WASF3: variants seen among roughly 807,000 people sequenced by gnomAD.
WASF3 encodes WASP family member 3, also known as actin-binding protein WASF3.
In WASF3, 11 loss-of-function variants were observed where a neutral mutation model predicts 46.6. That is an observed-to-expected ratio of 0.24 (90% CI 0.15 to 0.39). The LOEUF (loss-of-function observed/expected upper bound fraction) is 0.39, where lower values mean the gene tolerates loss of function less well. Ranked by LOEUF, WASF3 falls within the 10% of genes least tolerant of loss-of-function variation. WASF3 has a pLI of 1.00. For missense variants in WASF3, 576 were observed against 669.8 expected, an observed-to-expected ratio of 0.86 and a Z score of 1.55; for synonymous variants, 242 against 259.7, an observed-to-expected ratio of 0.93 and a Z score of 0.65.
In WASF3 at chr13:26,668,343, C is replaced by A. The variant is rs538612177; in HGVS notation, c.422+673C>A. Among the ~76,000 whole-genome samples, 130 of 152,376 alleles carry A rather than the reference C, an allele frequency of 8.5e-4. 1 individual carries two copies. Among genetic ancestry groups the A allele is most frequent in the African/African-American group, 3.0e-3 (126 of 41,588 alleles). On this transcript the variant is annotated intron_variant, in intron 5 of 9. Transcript: ENST00000335327. ...CTGTCACCTCTTGTCCCATATCCCT[C>A]TTTCACACACTGTCTCTCCATCCCT...
intron 2 of WASF3, among the ~76,000 whole-genome samples, chr13:26,634,024 A>T (rs920359430): frequency 6.6e-6 from 1 of 152,186 alleles, no homozygotes; most frequent in East Asian, 1.9e-4. Context: ...TGCAGAGCTG[A>T]GTTGAAGTCC....
At chr13:26,564,931 T>G (rs937033824) in intron 1 of WASF3, among the ~76,000 whole-genome samples, 5 of 149,420 alleles carry the variant, frequency 3.3e-5, no homozygotes, top group Admixed American at 6.7e-5. Context: ...TTTGCCTGTT[T>G]TGTTACATAG....
At chr13:26,613,417 T>C (rs548037352) in intron 2 of WASF3, among the ~76,000 whole-genome samples, 10 of 152,312 alleles carry the variant, frequency 6.6e-5, no homozygotes, top group African/African-American at 2.2e-4. Context: ...ACCAATTCTT[T>C]GTTATCTGAA....
chr13:26,548,321 CCTT>C, the WASF3 span, among the ~76,000 whole-genome samples: 1 of 152,144 alleles, frequency 6.6e-6, no homozygotes, highest in Admixed American at 6.5e-5. Flanking sequence ...ATTTTAATCT[CCTT>C]CTCTTCTTAC....
the WASF3 span, among the ~76,000 whole-genome samples, chr13:26,540,078 A>G: frequency 2.6e-5 from 4 of 152,150 alleles, no homozygotes; most frequent in African/African-American, 9.7e-5. Context: ...ACTCAAGCAG[A>G]CAGGAAGATC....
In WASF3 at chr13:26,576,178, A is replaced by G. The variant is rs926107187; in HGVS notation, c.-109+18359A>G. 2.6e-5 allele frequency among the ~76,000 whole-genome samples: 4 copies of G among 151,752 alleles called. No homozygotes were observed. The East Asian group carries it at 5.8e-4, about 22-fold the overall frequency. ...ACTTCTTTTTAAATTTCACTTTCTTATGGTTGTTTTTCTACTTTTCCTCAA... is the reference window on the plus strand; with the variant it reads ...ACTTCTTTTTAAATTTCACTTTCTTGTGGTTGTTTTTCTACTTTTCCTCAA... On this transcript the variant is annotated intron_variant, in intron 1 of 9. Transcript: ENST00000335327.
chr13:26,646,330 C>A (rs565999109), intron 3 of WASF3, among the ~76,000 whole-genome samples: 3 of 152,124 alleles, frequency 2.0e-5, no homozygotes, highest in Non-Finnish European at 4.4e-5. Flanking sequence ...AATCATTCAT[C>A]AGGTATTTAA....
At position 26,651,248 on chromosome 13, in the gene WASF3, G is replaced by A. The variant is rs572546896; in HGVS notation, c.133+8845G>A. Among the ~76,000 whole-genome samples, 3 of 152,222 alleles carry A rather than the reference G, an allele frequency of 2.0e-5. No homozygotes were observed. In the South Asian group the frequency reaches 6.2e-4, roughly 32 times the overall value. Reference sequence around the variant, plus strand: ...GAGGCATGAGAATGGCTTGATCCTGGTGGCAGAAGTTATAGTGAGCTGAAA... The same window carrying A: ...GAGGCATGAGAATGGCTTGATCCTGATGGCAGAAGTTATAGTGAGCTGAAA... On this transcript the variant is annotated intron_variant, in intron 3 of 9. Coordinates refer to ENST00000335327, the MANE Select transcript of WASF3 (RefSeq NM_006646.6).
At chr13:26,594,553 C>T (rs570953283) in intron 1 of WASF3, among the ~76,000 whole-genome samples, 17 of 152,282 alleles carry the variant, frequency 1.1e-4, no homozygotes, top group Non-Finnish European at 2.5e-4. Context: ...CCTTTCTGGA[C>T]GATTGTATTA....
At chr13:26,603,362 A>T (rs549227854) in intron 1 of WASF3, among the ~76,000 whole-genome samples, 1 of 152,304 alleles carries the variant, frequency 6.6e-6, no homozygotes, top group South Asian at 2.1e-4. Context: ...AATATTCAGG[A>T]ATCAAGGTAG....
At chr13:26,622,729 C>T (rs753803748) in intron 2 of WASF3, 4 of 151,876 alleles carry the variant, frequency 2.6e-5, no homozygotes, top group Admixed American at 6.6e-5. Flanking sequence ...GAGCCAAGAT[C>T]GCACCAGTGC....
intron 1 of WASF3, among the ~76,000 whole-genome samples, chr13:26,562,731 G>A (rs984523097): frequency 6.6e-6 from 1 of 151,830 alleles, no homozygotes; most frequent in African/African-American, 2.4e-5. Context: ...GCTGTGGATT[G>A]CAGAGTGAAG....
chr13:26,564,489 A>G (rs974690730), intron 1 of WASF3, among the ~76,000 whole-genome samples: 1 of 152,182 alleles, frequency 6.6e-6, no homozygotes, highest in Non-Finnish European at 1.5e-5. Flanking sequence ...TGAATTTTTA[A>G]AAGTTCCTCT....
At chr13:26,626,835 A>G (rs1273415232) in intron 2 of WASF3, among the ~76,000 whole-genome samples, 3 of 152,228 alleles carry the variant, frequency 2.0e-5, no homozygotes, top group Admixed American at 2.0e-4. Flanking sequence ...ATATGTGGCT[A>G]CATTCAACAA....
the WASF3 span, among the ~76,000 whole-genome samples, chr13:26,549,201 C>T: frequency 4.6e-5 from 7 of 152,066 alleles, no homozygotes; most frequent in Admixed American, 3.9e-4. Flanking sequence ...AGGATGGTCT[C>T]GATCTCCTGA....
chr13:26,600,002 TG>T, intron 1 of WASF3, among the ~76,000 whole-genome samples: 1 of 152,332 alleles, frequency 6.6e-6, no homozygotes, highest in African/African-American at 2.4e-5. Flanking sequence ...AGTACTGCTT[TG>T]TTAATTGGAG....
At chr13:26,551,090 G>A in the WASF3 span, among the ~76,000 whole-genome samples, 1 of 152,274 alleles carries the variant, frequency 6.6e-6, no homozygotes, top group Non-Finnish European at 1.5e-5. Flanking sequence ...CATGAGATCT[G>A]ATGGTTTAAA....
At chr13:26,575,027 G>T (rs1187564766) in intron 1 of WASF3, among the ~76,000 whole-genome samples, 2 of 151,938 alleles carry the variant, frequency 1.3e-5, no homozygotes, top group East Asian at 3.9e-4. Context: ...TACTAGAGAC[G>T]GGGTTACACT....
At chr13:26,672,295 A>G (rs577686613) in intron 6 of WASF3, among the ~76,000 whole-genome samples, 6 of 152,342 alleles carry the variant, frequency 3.9e-5, no homozygotes, top group African/African-American at 1.4e-4. Context: ...TCAGTATTCC[A>G]TATCAGATAC....
Sources: gnomAD v4.1 joint callset for allele counts (sites outside exome capture counted in the v4.1 genomes callset) on GRCh38, gnomAD v4.1.1 for gene constraint, MANE v1.5 for transcripts, NCBI Gene and HGNC (gene_info 2026-07-23, HGNC 2026-07-21) for gene names.